NTRK3: variants seen among roughly 807,000 people sequenced by gnomAD.
NTRK3 encodes neurotrophic receptor tyrosine kinase 3.
A neutral mutation model predicts 91.7 loss-of-function variants in NTRK3; 24 were observed. The ratio of observed to expected loss-of-function variants is 0.26; its 90% CI spans 0.19 to 0.37. NTRK3 has a LOEUF of 0.37. NTRK3 is among the 10% of genes least tolerant of loss of function. The pLI, the probability that NTRK3 is intolerant of heterozygous loss-of-function variation, is 1.00. For missense variants in NTRK3, 880 were observed against 1,068.9 expected, an observed-to-expected ratio of 0.82 and a Z score of 2.46; for synonymous variants, 483 against 404.0, an observed-to-expected ratio of 1.20 and a Z score of -2.34.
At chr15:87,934,974 C>CA (rs879914290) in intron 15 of NTRK3, among the ~76,000 whole-genome samples, 5 of 152,064 alleles carry the variant, frequency 3.3e-5, no homozygotes, top group African/African-American at 9.7e-5. Context: ...CTACGGCTGA[C>CA]AAAAAAGTCG....
At chr15:88,227,823 C>G (rs979943609) in intron 3 of NTRK3, among the ~76,000 whole-genome samples, 1 of 152,042 alleles carries the variant, frequency 6.6e-6, no homozygotes, top group Non-Finnish European at 1.5e-5. Flanking sequence ...CCCCTAGAAG[C>G]TGCATGCCCC....
intron 14 of NTRK3, among the ~76,000 whole-genome samples, chr15:88,028,548 C>T (rs1350169479): frequency 6.6e-6 from 1 of 152,050 alleles, no homozygotes; most frequent in Non-Finnish European, 1.5e-5. Flanking sequence ...AGCAGACAGA[C>T]ACTACCTCAA....
chr15:88,051,765 G>A (rs1453401775), intron 13 of NTRK3, among the ~76,000 whole-genome samples: 1 of 152,142 alleles, frequency 6.6e-6, no homozygotes, highest in Non-Finnish European at 1.5e-5. Flanking sequence ...GCTAACTCAA[G>A]AACTTTGCTG....
chr15:87,965,397 G>T (rs991309873), intron 14 of NTRK3, among the ~76,000 whole-genome samples: 1 of 152,178 alleles, frequency 6.6e-6, no homozygotes, highest in Non-Finnish European at 1.5e-5. Flanking sequence ...ATGGGGAGCC[G>T]GGAAGGGGCA....
intron 3 of NTRK3, chr15:88,209,979 C>G (rs537467983): frequency 6.6e-6 from 1 of 152,432 alleles, no homozygotes; most frequent in South Asian, 2.1e-4. Context: ...CAAACTCTAT[C>G]TTGCCAGCCA....
At chr15:88,046,111 C>T (rs1486283515) in intron 13 of NTRK3, among the ~76,000 whole-genome samples, 2 of 152,160 alleles carry the variant, frequency 1.3e-5, no homozygotes, top group Non-Finnish European at 1.5e-5. Flanking sequence ...AGGGATAAAC[C>T]AGCATTATAA....
chr15:88,172,230 G>A (rs964385747), intron 5 of NTRK3, among the ~76,000 whole-genome samples: 1 of 152,228 alleles, frequency 6.6e-6, no homozygotes, highest in Admixed American at 6.5e-5. Flanking sequence ...AAACAAGGGA[G>A]AAAGAGACAC....
intron 3 of NTRK3, among the ~76,000 whole-genome samples, chr15:88,251,029 A>T (rs568183690): frequency 2.7e-4 from 41 of 152,202 alleles, no homozygotes; most frequent in Non-Finnish European, 5.3e-4. Context: ...ATGGGGAGTC[A>T]CGAAGCTGGG....
chr15:88,126,334 G>A (rs537460883), exon 13 of NTRK3: 1 of 1,614,042 alleles, frequency 6.2e-7, no homozygotes, highest in African/African-American at 1.3e-5. Context: ...ACCACCAACA[G>A]GACACAGGCA....
At chr15:88,133,812 C>T (rs2041618416) in intron 10 of NTRK3, among the ~76,000 whole-genome samples, 1 of 152,182 alleles carries the variant, frequency 6.6e-6, no homozygotes, top group African/African-American at 2.4e-5. Flanking sequence ...CATGGGATTT[C>T]CAGGGCCTCA....
chr15:88,030,223 T>A (rs1267510017), intron 14 of NTRK3, among the ~76,000 whole-genome samples: 1 of 152,210 alleles, frequency 6.6e-6, no homozygotes, highest in Non-Finnish European at 1.5e-5. Context: ...CCTTTTCTTG[T>A]TTACACTGAA....
chr15:87,895,985 T>C (rs1433152508), intron 17 of NTRK3, among the ~76,000 whole-genome samples: 1 of 152,120 alleles, frequency 6.6e-6, no homozygotes, highest in African/African-American at 2.4e-5. Context: ...CCTCCCCACG[T>C]TGACTTGTCC....
At chr15:88,047,322 G>A (rs1167740251) in intron 13 of NTRK3, among the ~76,000 whole-genome samples, 1 of 152,024 alleles carries the variant, frequency 6.6e-6, no homozygotes, top group Non-Finnish European at 1.5e-5. Context: ...ATATACTTAT[G>A]TGTAATATAC....
intron 3 of NTRK3, among the ~76,000 whole-genome samples, chr15:88,199,408 C>T (rs1480914483): frequency 6.6e-6 from 1 of 152,180 alleles, no homozygotes; most frequent in Non-Finnish European, 1.5e-5. Flanking sequence ...TCCCTGGTGC[C>T]AAATGGGGCT....
At chr15:87,916,987 C>T (rs2067492798) in intron 17 of NTRK3, among the ~76,000 whole-genome samples, 1 of 152,196 alleles carries the variant, frequency 6.6e-6, no homozygotes, top group African/African-American at 2.4e-5. Context: ...TGGTCTCGAG[C>T]TCCTAACCTC....
intron 17 of NTRK3, among the ~76,000 whole-genome samples, chr15:87,916,941 T>A (rs1220099917): frequency 6.6e-6 from 1 of 152,112 alleles, no homozygotes; most frequent in Admixed American, 6.5e-5. Flanking sequence ...TTTTCATATT[T>A]TCAGTAGAGA....
chr15:88,152,006 A>G (rs1274276786), intron 5 of NTRK3, among the ~76,000 whole-genome samples: 1 of 152,190 alleles, frequency 6.6e-6, no homozygotes, highest in Admixed American at 6.5e-5. Context: ...ATTCGTTTTT[A>G]AAATCCTTAC....
intron 17 of NTRK3, among the ~76,000 whole-genome samples, chr15:87,882,867 A>T (rs1419274032): frequency 6.6e-6 from 1 of 152,132 alleles, no homozygotes; most frequent in East Asian, 1.9e-4. Flanking sequence ...GATAATGATG[A>T]CTAAAAAGCA....
intron 13 of NTRK3, among the ~76,000 whole-genome samples, chr15:88,068,196 C>G (rs916338340): frequency 7.2e-5 from 11 of 152,104 alleles, no homozygotes; most frequent in African/African-American, 2.7e-4. Context: ...CTTTGGGAGG[C>G]TGAGGAGAGG....
Sources: allele counts gnomAD v4.1 joint callset (sites outside exome capture counted in the v4.1 genomes callset), GRCh38; gene constraint gnomAD v4.1.1; transcripts MANE v1.5; gene names NCBI Gene and HGNC (gene_info 2026-07-23, HGNC 2026-07-21).